The following THADA variants were observed in gnomAD, a reference collection of about 807,000 sequenced individuals.
The protein encoded by THADA is THADA armadillo repeat containing.
Under a neutral mutation model 219.8 loss-of-function variants are expected in THADA, and 213 were observed. That is an observed-to-expected ratio of 0.97 (90% CI 0.87 to 1.09). THADA has a LOEUF of 1.09. THADA is among the 50% of genes least tolerant of loss of function. The pLI is 0.00. For missense variants in THADA, 2,956 were observed against 2,311.3 expected (o/e 1.28, Z -5.72); for synonymous variants, 1,018 against 828.9 (o/e 1.23, Z -3.92).
chr2:43,237,102 A>C (rs1442826351), intron 36 of THADA, among the ~76,000 whole-genome samples: 1 of 151,718 alleles, frequency 6.6e-6, no homozygotes, highest in Admixed American at 6.6e-5. Context: ...CAGGGAATAA[A>C]GACAGCGTGG....
chr2:43,560,281 C>T lies in THADA; in HGVS notation c.2416G>A (p.Ala806Thr), dbSNP rs745912433. Reference protein sequence around the residue: ...TSTFEDVKILAFDLLMKLSKT... With the variant: ...TSTFEDVKILTFDLLMKLSKT... The stretch of plus-strand genomic sequence containing the variant: ...GATAACTTCATCAGAAGATCAAATG[C>T]TAAAATTTTCACGTCTTCAAAAGTG... Residue 806 changes from alanine to threonine, a missense_variant, in exon 16 of 38, where the codon GCA (alanine) becomes ACA (threonine). Transcript: ENST00000405975. The T allele has an allele frequency of 6.2e-6, 10 of 1,612,390 alleles. No individual in the cohort carries two copies. The East Asian group carries it at 1.1e-4, about 18-fold the overall frequency.
At chr2:43,595,194 T>A (rs1037774794) in intron 1 of THADA, among the ~76,000 whole-genome samples, 1 of 152,222 alleles carries the variant, frequency 6.6e-6, no homozygotes, top group Non-Finnish European at 1.5e-5. Context: ...GTACCTAAAA[T>A]GCATTCTACA....
chr2:43,293,150 G>C lies in THADA; in HGVS notation c.4502C>G (p.Thr1501Arg). 1 of 1,613,942 alleles carries C rather than the reference G, an allele frequency of 6.2e-7. No individual in the cohort carries two copies. The highest frequency in any genetic ancestry group is 8.5e-7 in the Non-Finnish European group (1 of 1,179,894). ...CACCTTGAAGGCCCAAGGGAATCCC[G>C]TTATCAGCTCTGATCCTGAGATAAT... ...RGIISGSELITGFPWAFKVPG... is the reference protein window; with the variant it reads ...RGIISGSELIRGFPWAFKVPG... Residue 1501 changes from threonine (T) to arginine (R), a missense_variant, in exon 32 of 38, where the codon ACG becomes AGG. Thr to Arg is a moderately conservative substitution (Grantham distance 71). Transcript: ENST00000405975.
rs1307516986 is a variant in THADA, at chr2:43,505,734, G to A, written c.3509C>T (p.Ala1170Val). 1.9e-6 allele frequency: 3 copies of A among 1,571,876 alleles called. No homozygotes were observed. The highest frequency in any genetic ancestry group is 1.9e-5 in the Admixed American group (1 of 53,484). The change falls in exon 24 of 38, where the codon GCA becomes GTA. Residue 1170 changes from alanine to valine, a missense_variant and splice_region_variant. Coordinates refer to ENST00000405975, the MANE Select transcript of THADA (RefSeq NM_022065.5). ...RSAGIPFYIQ[A>V]LLASEPKKGR... ...TTTCTTTGGTTCAGATGCCAACAGT[G>A]CCTATGGAAAAAGAATGCAAAAATT...
At chr2:43,338,399 T>C (rs1184033618) in intron 30 of THADA, among the ~76,000 whole-genome samples, 1 of 152,048 alleles carries the variant, frequency 6.6e-6, no homozygotes, top group Non-Finnish European at 1.5e-5. Context: ...TCAAGTGATC[T>C]GCCCACCTCG....
chr2:43,415,929 C>T (rs2104773869), intron 28 of THADA, among the ~76,000 whole-genome samples: 1 of 152,138 alleles, frequency 6.6e-6, no homozygotes, highest in African/African-American at 2.4e-5. Context: ...ATTCTGGCTA[C>T]AAATTAAATT....
chr2:43,470,910 G>C, intron 26 of THADA, among the ~76,000 whole-genome samples: 1 of 152,158 alleles, frequency 6.6e-6, no homozygotes, highest in East Asian at 1.9e-4. Flanking sequence ...AAGAATATTT[G>C]TTTTGAATAT....
At chr2:43,285,488 C>T (rs1673881954) in intron 35 of THADA, among the ~76,000 whole-genome samples, 2 of 152,096 alleles carry the variant, frequency 1.3e-5, no homozygotes, top group African/African-American at 2.4e-5. Flanking sequence ...TGAGGCCTCC[C>T]AGCCATGCTT....
chr2:43,536,388 C>G (rs1694608500), intron 21 of THADA, among the ~76,000 whole-genome samples: 1 of 151,948 alleles, frequency 6.6e-6, no homozygotes, highest in Non-Finnish European at 1.5e-5. Context: ...ATGTTACCTC[C>G]AGCAAAATAA....
intron 22 of THADA, among the ~76,000 whole-genome samples, chr2:43,520,702 G>GTATATA (rs377737093): frequency 7.3e-5 from 10 of 136,504 alleles, no homozygotes; most frequent in African/African-American, 1.1e-4. Context: ...ATATTTATAC[G>GTATATA]TATATATATA....
At chr2:43,515,047 TA>T (rs1361984448) in intron 22 of THADA, among the ~76,000 whole-genome samples, 4 of 58,174 alleles carry the variant, frequency 6.9e-5, no homozygotes, top group Non-Finnish European at 1.1e-4. Flanking sequence ...TAAATATATA[TA>T]TTTTATATAT....
rs70963388 is a variant in THADA at position 43,237,397 on chromosome 2, A to ATTT, written c.5297-4518_5297-4516dup. On this transcript the variant is annotated intron_variant, in intron 36 of 37. Transcript: ENST00000405975. Reference sequence around the variant, plus strand: ...GAGCAAAAACTAGAAAACTCATTTGATTTTTTTTTTTTTTTTTTCTGAGAT... The same window carrying ATTT: ...GAGCAAAAACTAGAAAACTCATTTGATTTTTTTTTTTTTTTTTTTTTCTGAGAT... Among the ~76,000 whole-genome samples the ATTT allele has an allele frequency of 2.0e-4, 26 of 132,256 alleles. 1 individual carries two copies. The highest frequency in any genetic ancestry group is 2.2e-4 in the East Asian group (1 of 4,484). 86.8% of individuals were successfully genotyped at this position (132,256 alleles called of 152,430 possible). A position where few individuals can be genotyped will look rare whatever the true frequency, so the allele number is the denominator to read the frequency against.
At chr2:43,373,109 C>A (rs1427576238) in intron 29 of THADA, among the ~76,000 whole-genome samples, 1 of 152,164 alleles carries the variant, frequency 6.6e-6, no homozygotes, top group African/African-American at 2.4e-5. Flanking sequence ...ACCATCACAC[C>A]CTTTGAATTA....
chr2:43,365,084 C>T (rs1669975533), intron 29 of THADA, among the ~76,000 whole-genome samples: 1 of 151,488 alleles, frequency 6.6e-6, no homozygotes, highest in African/African-American at 2.4e-5. Flanking sequence ...CACCACTATG[C>T]CTGGCTAATT....
At chr2:43,288,970 C>T (rs1037061376) in intron 34 of THADA, among the ~76,000 whole-genome samples, 1 of 152,204 alleles carries the variant, frequency 6.6e-6, no homozygotes, top group African/African-American at 2.4e-5. Flanking sequence ...ATCTCCCCAG[C>T]CCTGACTAAG....
At chr2:43,473,860 C>G (rs559700549) in intron 26 of THADA, among the ~76,000 whole-genome samples, 1 of 152,174 alleles carries the variant, frequency 6.6e-6, no homozygotes, top group East Asian at 1.9e-4. Flanking sequence ...CCATCTGCCT[C>G]GGCCTCCCAG....
chr2:43,502,073 G>A (rs6544665), intron 24 of THADA, among the ~76,000 whole-genome samples: 21,397 of 152,126 alleles, frequency 0.14, 2,016 homozygotes, highest in African/African-American at 0.27. Context: ...AAAAGGATGT[G>A]TTATAACAGA....
At chr2:43,527,606 AAAC>A (rs1693327355) in intron 22 of THADA, among the ~76,000 whole-genome samples, 1 of 152,156 alleles carries the variant, frequency 6.6e-6, no homozygotes, top group Admixed American at 6.5e-5. Context: ...AATAAAAAAA[AAAC>A]AGTAATTTCA....
intron 26 of THADA, among the ~76,000 whole-genome samples, chr2:43,456,285 C>T (rs1042495804): frequency 1.3e-5 from 2 of 152,186 alleles, no homozygotes; most frequent in African/African-American, 4.8e-5. Context: ...TACTATTTAT[C>T]TGACTACATT....
Sources: gnomAD v4.1 joint callset for allele counts (sites outside exome capture counted in the v4.1 genomes callset) on GRCh38, gnomAD v4.1.1 for gene constraint, MANE v1.5 for transcripts, NCBI Gene and HGNC (gene_info 2026-07-23, HGNC 2026-07-21) for gene names.